DRC11: variants seen among roughly 807,000 people sequenced by gnomAD.
The protein encoded by DRC11 is dynein regulatory complex subunit 11, also known as IQ and AAA domain-containing protein 1.
chr2:236,393,445 G>A, the DRC11 span, among the ~76,000 whole-genome samples: 3 of 152,146 alleles, frequency 2.0e-5, no homozygotes, highest in African/African-American at 7.2e-5. The surrounding 1 kb of genome is among the most constrained non-coding windows in gnomAD (Gnocchi z 4.7). Context: ...GACCGAGAAG[G>A]GAGAGGGTGG....
At chr2:236,371,130 C>T in the DRC11 span, among the ~76,000 whole-genome samples, 56 of 152,240 alleles carry the variant, frequency 3.7e-4, no homozygotes, top group Non-Finnish European at 3.1e-4. The surrounding 1 kb of genome is among the most constrained non-coding windows in gnomAD (Gnocchi z 5.1). Flanking sequence ...GGGATCCCTG[C>T]TCCTGCCCTG....
chr2:236,493,134 T>C, the DRC11 span, among the ~76,000 whole-genome samples: 1 of 152,044 alleles, frequency 6.6e-6, no homozygotes, highest in Non-Finnish European at 1.5e-5. Context: ...ACATCTCATA[T>C]GGCGGCAGAC....
the DRC11 span, among the ~76,000 whole-genome samples, chr2:236,316,538 A>G: frequency 1.3e-5 from 2 of 152,228 alleles, no homozygotes; most frequent in Non-Finnish European, 2.9e-5. This position sits in a 1 kb window ranked among gnomAD's most constrained non-coding sequence, Gnocchi z 6.8. Context: ...ATGCACCTGC[A>G]AACAGCTTCT....
At chr2:236,471,962 T>C in the DRC11 span, among the ~76,000 whole-genome samples, 2 of 152,182 alleles carry the variant, frequency 1.3e-5, no homozygotes, top group African/African-American at 4.8e-5. The surrounding 1 kb of genome is among the most constrained non-coding windows in gnomAD (Gnocchi z 4.6). Context: ...GAGAATTATT[T>C]TCATCATTTA....
the DRC11 span, among the ~76,000 whole-genome samples, chr2:236,433,395 T>C: frequency 6.6e-6 from 1 of 152,214 alleles, no homozygotes; most frequent in African/African-American, 2.4e-5. Context: ...ACGAGCATGA[T>C]ATGCTTTTCC....
the DRC11 span, chr2:236,419,092 G>A: frequency 1.7e-5 from 26 of 1,487,912 alleles, no homozygotes; most frequent in Admixed American, 2.6e-5. The surrounding 1 kb of genome is among the most constrained non-coding windows in gnomAD (Gnocchi z 4.8). Flanking sequence ...TCAAAGCAAA[G>A]AAGTCAATAA....
At chr2:236,306,943 C>T in the DRC11 span, among the ~76,000 whole-genome samples, 3 of 151,860 alleles carry the variant, frequency 2.0e-5, no homozygotes, top group African/African-American at 4.8e-5. This position sits in a 1 kb window ranked among gnomAD's most constrained non-coding sequence, Gnocchi z 5.9. Context: ...ACTGTATAAT[C>T]CTCTCCCGTT....
At chr2:236,417,343 C>T in the DRC11 span, among the ~76,000 whole-genome samples, 1 of 152,206 alleles carries the variant, frequency 6.6e-6, no homozygotes, top group Admixed American at 6.5e-5. Context: ...ACCAGGGTTC[C>T]CAGACACAGT....
At chr2:236,470,982 T>TGTGCACTACTTTC in the DRC11 span, among the ~76,000 whole-genome samples, 1 of 152,248 alleles carries the variant, frequency 6.6e-6, no homozygotes, top group Non-Finnish European at 1.5e-5. The surrounding 1 kb of genome is among the most constrained non-coding windows in gnomAD (Gnocchi z 5.1). Context: ...CTGTTACTTT[T>TGTGCACTACTTTC]GTGCACTACT....
At chr2:236,370,258 C>G in the DRC11 span, among the ~76,000 whole-genome samples, 2 of 152,220 alleles carry the variant, frequency 1.3e-5, no homozygotes, top group Non-Finnish European at 2.9e-5. The surrounding 1 kb of genome is among the most constrained non-coding windows in gnomAD (Gnocchi z 5.5). Context: ...CAGCTGAATG[C>G]CGTGCAGGTG....
chr2:236,402,547 G>A, the DRC11 span, among the ~76,000 whole-genome samples: 2 of 152,142 alleles, frequency 1.3e-5, no homozygotes, highest in African/African-American at 4.8e-5. The surrounding 1 kb of genome is among the most constrained non-coding windows in gnomAD (Gnocchi z 6.0). Context: ...TTCATGGGGT[G>A]GGGGGGCATG....
chr2:236,492,912 C>T, the DRC11 span, among the ~76,000 whole-genome samples: 1 of 152,210 alleles, frequency 6.6e-6, no homozygotes, highest in Non-Finnish European at 1.5e-5. Context: ...GATTCTGTTC[C>T]TTGCTTCCCA....
the DRC11 span, among the ~76,000 whole-genome samples, chr2:236,443,928 C>T: frequency 6.6e-6 from 1 of 152,046 alleles, no homozygotes; most frequent in African/African-American, 2.4e-5. This position sits in a 1 kb window ranked among gnomAD's most constrained non-coding sequence, Gnocchi z 4.4. Flanking sequence ...TTGCATTTCT[C>T]CAATGATCAG....
At chr2:236,493,085 G>A in the DRC11 span, among the ~76,000 whole-genome samples, 1 of 152,200 alleles carries the variant, frequency 6.6e-6, no homozygotes, top group Non-Finnish European at 1.5e-5. Flanking sequence ...GTTCCATGTG[G>A]CTAGGGAGGC....
the DRC11 span, among the ~76,000 whole-genome samples, chr2:236,502,398 GAAAA>G: frequency 6.6e-6 from 1 of 151,574 alleles, no homozygotes; most frequent in African/African-American, 2.4e-5. Context: ...CTAACATGGT[GAAAA>G]CCCACCTCTA....
chr2:236,342,627 G>A, the DRC11 span, among the ~76,000 whole-genome samples: 1 of 152,216 alleles, frequency 6.6e-6, no homozygotes, highest in East Asian at 1.9e-4. This position sits in a 1 kb window ranked among gnomAD's most constrained non-coding sequence, Gnocchi z 5.8. Context: ...AGGCCGAGTG[G>A]AGCTGGAGTT....
At chr2:236,417,173 A>G in the DRC11 span, among the ~76,000 whole-genome samples, 1 of 152,054 alleles carries the variant, frequency 6.6e-6, no homozygotes, top group African/African-American at 2.4e-5. Context: ...CCCAGCCAAA[A>G]TGTTGGCTTT....
chr2:236,400,762 C>A, the DRC11 span, among the ~76,000 whole-genome samples: 9 of 152,164 alleles, frequency 5.9e-5, no homozygotes, highest in Non-Finnish European at 8.8e-5. The surrounding 1 kb of genome is among the most constrained non-coding windows in gnomAD (Gnocchi z 7.9). Flanking sequence ...CAGGGTTGGG[C>A]TCCGGGATGC....
the DRC11 span, among the ~76,000 whole-genome samples, chr2:236,449,867 A>G: frequency 8.5e-4 from 129 of 152,324 alleles, no homozygotes; most frequent in Admixed American, 3.6e-3. This position sits in a 1 kb window ranked among gnomAD's most constrained non-coding sequence, Gnocchi z 5.1. Context: ...TAATAAGAGG[A>G]AAAACCAGGC....
Sources: allele counts gnomAD v4.1 joint callset (sites outside exome capture counted in the v4.1 genomes callset), GRCh38; gene constraint gnomAD v4.1.1; non-coding constraint Gnocchi (gnomAD v3.1); transcripts MANE v1.5; gene names NCBI Gene and HGNC (gene_info 2026-07-23, HGNC 2026-07-21).